Variants in GUCY1A2 observed in about 807,000 individuals in gnomAD.
GUCY1A2 encodes guanylate cyclase 1 soluble subunit alpha 2.
In GUCY1A2, 27 loss-of-function variants were observed where a neutral mutation model predicts 63.5. That is an observed-to-expected ratio of 0.43 (90% CI 0.31 to 0.59). GUCY1A2 has a LOEUF of 0.59. Ranked by LOEUF, GUCY1A2 falls within the 20% of genes least tolerant of loss-of-function variation. The probability of loss-of-function intolerance (pLI) is 0.11; values close to 1 mark genes in which losing one functional copy is unlikely to be tolerated. For missense variants in GUCY1A2, 768 were observed against 913.3 expected (o/e 0.84, Z 2.05); for synonymous variants, 364 against 343.5 (o/e 1.06, Z -0.66).
At chr11:106,741,582 TAGA>T (rs1863695040) in intron 6 of GUCY1A2, among the ~76,000 whole-genome samples, 1 of 152,154 alleles carries the variant, frequency 6.6e-6, no homozygotes, top group African/African-American at 2.4e-5. Context: ...TTATTGGAAA[TAGA>T]GGAGGTAAGG....
At chr11:106,837,627 C>T (rs1187378147) in intron 4 of GUCY1A2, among the ~76,000 whole-genome samples, 3 of 151,944 alleles carry the variant, frequency 2.0e-5, no homozygotes, top group Non-Finnish European at 4.4e-5. Context: ...CCACAAGGTT[C>T]ATCTGCAAGT....
At chr11:106,744,875 C>A (rs1379599530) in intron 6 of GUCY1A2, among the ~76,000 whole-genome samples, 1 of 152,022 alleles carries the variant, frequency 6.6e-6, no homozygotes, top group Non-Finnish European at 1.5e-5. Context: ...TCTCTTTGTC[C>A]TTAAACTGCT....
intron 3 of GUCY1A2, among the ~76,000 whole-genome samples, chr11:106,950,876 TA>T (rs1447116291): frequency 6.6e-6 from 1 of 152,132 alleles, no homozygotes; most frequent in African/African-American, 2.4e-5. Flanking sequence ...ACCCATCCTC[TA>T]AGTTCCCTGA....
intron 4 of GUCY1A2, among the ~76,000 whole-genome samples, chr11:106,925,173 C>G (rs1023022748): frequency 1.3e-5 from 2 of 151,228 alleles, no homozygotes; most frequent in African/African-American, 4.9e-5. Context: ...GAGAGAGAGA[C>G]AGAGAGAAAG....
intron 4 of GUCY1A2, among the ~76,000 whole-genome samples, chr11:106,904,509 G>A (rs1860177158): frequency 6.6e-6 from 1 of 152,034 alleles, no homozygotes; most frequent in African/African-American, 2.4e-5. Context: ...TCTTTGAGGA[G>A]CACTTAACAA....
At chr11:106,911,145 G>T (rs900834206) in intron 4 of GUCY1A2, among the ~76,000 whole-genome samples, 2 of 151,904 alleles carry the variant, frequency 1.3e-5, no homozygotes, top group African/African-American at 4.8e-5. Flanking sequence ...GGAAAAATGG[G>T]TAACATACTG....
chr11:106,735,668 C>T (rs747575168), intron 6 of GUCY1A2, among the ~76,000 whole-genome samples: 1 of 152,084 alleles, frequency 6.6e-6, no homozygotes, highest in Non-Finnish European at 1.5e-5. Context: ...ATTGCTGGAT[C>T]ATATGGTAGT....
intron 6 of GUCY1A2, among the ~76,000 whole-genome samples, chr11:106,730,543 A>G (rs571887367): frequency 1.2e-4 from 18 of 152,088 alleles, no homozygotes; most frequent in African/African-American, 3.9e-4. Context: ...TTGATTCTAT[A>G]TCTCGCTATT....
intron 1 of GUCY1A2, among the ~76,000 whole-genome samples, chr11:107,014,377 A>G (rs1861791452): frequency 1.3e-5 from 2 of 152,000 alleles, no homozygotes; most frequent in Non-Finnish European, 2.9e-5. Context: ...ATGAGCCACC[A>G]CGCCTGGCCC....
chr11:106,711,391 A>G (rs1863116079), intron 6 of GUCY1A2, among the ~76,000 whole-genome samples: 1 of 152,216 alleles, frequency 6.6e-6, no homozygotes, highest in African/African-American at 2.4e-5. Context: ...GTATTAATTA[A>G]GAAACAATTG....
intron 4 of GUCY1A2, among the ~76,000 whole-genome samples, chr11:106,858,507 G>A (rs1859467147): frequency 6.6e-6 from 1 of 152,032 alleles, no homozygotes; most frequent in Non-Finnish European, 1.5e-5. Context: ...CTGAGACTAT[G>A]GGGAATTAGG....
rs551552387 is a variant in GUCY1A2 at position 106,980,978 on chromosome 11, T to C, written c.366-2238A>G. Among the ~76,000 whole-genome samples the C allele has an allele frequency of 1.9e-4, 29 of 152,316 alleles. 1 individual carries two copies. In the South Asian group the frequency reaches 5.8e-3, roughly 30 times the overall value. ...CCTCAATTTCCTCATCTGTAAAATG[T>C]GCTTAATACAGTACTCTTATGCAAT... On this transcript the variant is annotated intron_variant, in intron 2 of 7. Coordinates refer to ENST00000526355, the MANE Select transcript of GUCY1A2 (RefSeq NM_000855.3).
chr11:106,719,965 A>C (rs1360931207), intron 6 of GUCY1A2, among the ~76,000 whole-genome samples: 1 of 152,244 alleles, frequency 6.6e-6, no homozygotes, highest in Non-Finnish European at 1.5e-5. Flanking sequence ...ACATCCATAT[A>C]CACATATATA....
chr11:106,782,190 A>T (rs1192084061), intron 5 of GUCY1A2, among the ~76,000 whole-genome samples: 1 of 152,168 alleles, frequency 6.6e-6, no homozygotes, highest in Non-Finnish European at 1.5e-5. Flanking sequence ...TCTATGGGGC[A>T]TAAGAGCAGA....
chr11:106,677,670 G>A lies in GUCY1A2; in HGVS notation c.*9879C>T. ...ACATTCTGTTAAATATAAATACTGT[G>A]TTTAAAAATCTATTTATCCTTACCA... On this transcript the variant is annotated 3_prime_UTR_variant, in exon 8 of 8. Transcript: ENST00000526355. 1 of 207,638 alleles carries A rather than the reference G, an allele frequency of 4.8e-6. No individual in the cohort carries two copies. Among genetic ancestry groups the A allele is most frequent in the Admixed American group, 5.9e-5 (1 of 16,820 alleles). The allele number at this position is 207,638 out of a possible 1,614,324, so 12.9% of individuals were successfully genotyped here.
At position 106,828,054 on chromosome 11, in the gene GUCY1A2, T is replaced by A. The variant is rs534905655; in HGVS notation, c.1207-17576A>T. Among the ~76,000 whole-genome samples the A allele has an allele frequency of 6.6e-5, 10 of 151,642 alleles. No individual in the cohort carries two copies. In the South Asian group the frequency reaches 2.1e-3, roughly 32 times the overall value. ...GCCCACTTTTAATGTAGCTCTTTATTTTTTTTTCTTGTTGAGTTGTTTGAG... is the reference window on the plus strand; with the variant it reads ...GCCCACTTTTAATGTAGCTCTTTATATTTTTTTCTTGTTGAGTTGTTTGAG... On this transcript the variant is annotated intron_variant, in intron 4 of 7. Coordinates refer to ENST00000526355, the MANE Select transcript of GUCY1A2 (RefSeq NM_000855.3).
chr11:106,880,466 C>T (rs901584594), intron 4 of GUCY1A2, among the ~76,000 whole-genome samples: 5 of 152,008 alleles, frequency 3.3e-5, no homozygotes, highest in Non-Finnish European at 7.4e-5. Context: ...ATAAACCCCA[C>T]GTCTCATTCA....
At chr11:106,976,114 C>T (rs912148303) in intron 3 of GUCY1A2, among the ~76,000 whole-genome samples, 3 of 152,100 alleles carry the variant, frequency 2.0e-5, no homozygotes, top group Non-Finnish European at 4.4e-5. Context: ...CATTTCCAGA[C>T]TCTAATACAA....
chr11:106,999,250 G>A (rs975433932), intron 1 of GUCY1A2, among the ~76,000 whole-genome samples: 2 of 152,106 alleles, frequency 1.3e-5, no homozygotes, highest in Non-Finnish European at 2.9e-5. Flanking sequence ...TCTGATACAG[G>A]AATAAAGACA....
Sources: allele counts gnomAD v4.1 joint callset (sites outside exome capture counted in the v4.1 genomes callset), GRCh38; gene constraint gnomAD v4.1.1; transcripts MANE v1.5; gene names NCBI Gene and HGNC (gene_info 2026-07-23, HGNC 2026-07-21).